TNFRSF13B: variants seen among roughly 807,000 people sequenced by gnomAD.
TNFRSF13B encodes TNF receptor superfamily member 13B, also known as tumor necrosis factor receptor superfamily member 13B.
A neutral mutation model predicts 24.0 loss-of-function variants in TNFRSF13B; 34 were observed. That is an observed-to-expected ratio of 1.41 (90% confidence interval 1.08 to 1.88). The LOEUF is 1.88. Ranked by LOEUF, TNFRSF13B falls within the 40% of genes most tolerant of loss-of-function variation. The pLI, the probability that TNFRSF13B is intolerant of heterozygous loss-of-function variation, is 0.00. For synonymous variants in TNFRSF13B, 173 were observed against 150.3 expected (o/e 1.15, Z -1.10); for missense variants, 415 against 380.8 (o/e 1.09, Z -0.75).
chr17:16,970,926 G>T (rs1024185110), intron 1 of TNFRSF13B, among the ~76,000 whole-genome samples: 9 of 152,220 alleles, frequency 5.9e-5, no homozygotes, highest in African/African-American at 1.9e-4. Flanking sequence ...CCTGCCTGAG[G>T]TGTGGGACAG....
intron 1 of TNFRSF13B, among the ~76,000 whole-genome samples, chr17:16,964,104 C>G (rs1049880072): frequency 5.3e-5 from 8 of 149,938 alleles, no homozygotes; most frequent in Non-Finnish European, 8.9e-5. Context: ...GAAGAGGAGG[C>G]AGAAGAGGAG....
intron 1 of TNFRSF13B, among the ~76,000 whole-genome samples, chr17:16,956,508 AC>A (rs550214281): frequency 7.7e-4 from 118 of 152,388 alleles, no homozygotes; most frequent in African/African-American, 2.7e-3. Flanking sequence ...GCTTAAGGAA[AC>A]CGACAGAGAA....
intron 2 of TNFRSF13B, among the ~76,000 whole-genome samples, chr17:16,951,488 T>G (rs1428828424): frequency 2.6e-5 from 4 of 152,246 alleles, no homozygotes; most frequent in Non-Finnish European, 5.9e-5. Context: ...TAGATGATGT[T>G]AATAAATTAT....
At chr17:16,941,056 C>T (rs1316223615) in intron 3 of TNFRSF13B, 1 of 609,536 alleles carries the variant, frequency 1.6e-6, no homozygotes, top group African/African-American at 2.0e-5. Flanking sequence ...AGAGTCATCT[C>T]TAGATTACTT....
intron 3 of TNFRSF13B, among the ~76,000 whole-genome samples, chr17:16,942,509 C>T (rs887139763): frequency 6.6e-6 from 1 of 152,124 alleles, no homozygotes; most frequent in African/African-American, 2.4e-5. Context: ...CTGTCCAGTG[C>T]CCAGAGCTCA....
At chr17:16,966,711 T>C (rs2087702135) in intron 1 of TNFRSF13B, among the ~76,000 whole-genome samples, 1 of 152,218 alleles carries the variant, frequency 6.6e-6, no homozygotes, top group South Asian at 2.1e-4. Flanking sequence ...GACCCAGTGA[T>C]TAAACTTTGA....
chr17:16,962,584 G>A (rs577651814), intron 1 of TNFRSF13B, among the ~76,000 whole-genome samples: 3 of 152,108 alleles, frequency 2.0e-5, no homozygotes, highest in South Asian at 2.1e-4. Context: ...CAGCTCAGCT[G>A]TGGGCAATAT....
intron 1 of TNFRSF13B, among the ~76,000 whole-genome samples, chr17:16,964,203 T>C (rs2087683280): frequency 6.6e-6 from 1 of 152,074 alleles, no homozygotes; most frequent in Admixed American, 6.5e-5. Flanking sequence ...TTGGTTTCTG[T>C]GAGCTGTATA....
chr17:16,949,108 T>A, intron 2 of TNFRSF13B, 125 bp from the exon 3 acceptor site: 2 of 1,270,988 alleles, frequency 1.6e-6, no homozygotes, highest in Non-Finnish European at 2.2e-6. Flanking sequence ...AATTCCAGAG[T>A]AAGCCAAGTA....
intron 1 of TNFRSF13B, among the ~76,000 whole-genome samples, chr17:16,954,001 G>A (rs550286601): frequency 1.3e-5 from 2 of 152,302 alleles, no homozygotes; most frequent in East Asian, 1.9e-4. Flanking sequence ...TCCTGACCTC[G>A]TGATCCGCCC....
At chr17:16,958,144 A>C (rs2087637211) in intron 1 of TNFRSF13B, among the ~76,000 whole-genome samples, 1 of 152,134 alleles carries the variant, frequency 6.6e-6, no homozygotes, top group South Asian at 2.1e-4. Flanking sequence ...CTTATGACCT[A>C]CCGAAACTAA....
intron 1 of TNFRSF13B, among the ~76,000 whole-genome samples, chr17:16,969,600 T>C (rs2087729731): frequency 6.6e-6 from 1 of 152,232 alleles, no homozygotes. Flanking sequence ...AATTAGCTTA[T>C]GGTGATGGTT....
intron 1 of TNFRSF13B, among the ~76,000 whole-genome samples, chr17:16,954,267 C>T (rs1034119232): frequency 2.6e-5 from 4 of 152,126 alleles, no homozygotes; most frequent in Non-Finnish European, 4.4e-5. Flanking sequence ...TGCTGTAGTC[C>T]CAGCTATTCA....
At chr17:16,961,163 G>A (rs2087659902) in intron 1 of TNFRSF13B, among the ~76,000 whole-genome samples, 1 of 152,202 alleles carries the variant, frequency 6.6e-6, no homozygotes, top group South Asian at 2.1e-4. Context: ...GTATAACAGA[G>A]CAACAGCTGT....
chr17:16,944,135 T>A (rs1380995466), intron 3 of TNFRSF13B, among the ~76,000 whole-genome samples: 1 of 152,164 alleles, frequency 6.6e-6, no homozygotes, highest in Non-Finnish European at 1.5e-5. Context: ...CTCCTGCTTC[T>A]GTGGAGTGGC....
At chr17:16,952,013 C>T (rs1429664688) in intron 2 of TNFRSF13B, among the ~76,000 whole-genome samples, 2 of 152,106 alleles carry the variant, frequency 1.3e-5, no homozygotes, top group Admixed American at 6.5e-5. Flanking sequence ...GTGCAGAGGG[C>T]GTCATTGTGC....
Position 16,972,092 on chromosome 17 carries a change from T to C in TNFRSF13B, c.-17A>G, listed in dbSNP as rs1023598757. 1.9e-6 allele frequency: 3 copies of C among 1,613,494 alleles called. No individual in the cohort carries two copies. The highest frequency in any genetic ancestry group is 2.5e-6 in the Non-Finnish European group (3 of 1,180,012). ...GCCACTCATTACTCAGGATGCTTAT[T>C]ACTAGTCTTAGATTTGATTAGTGCT... is the stretch of plus-strand genomic sequence containing the variant. On this transcript the variant is annotated 5_prime_UTR_variant, in exon 1 of 5. Transcript: ENST00000261652.
intron 2 of TNFRSF13B, among the ~76,000 whole-genome samples, chr17:16,949,242 T>C (rs1385825751): frequency 6.6e-6 from 1 of 152,204 alleles, no homozygotes; most frequent in Admixed American, 6.5e-5. Context: ...TTCATTATTA[T>C]CTTTTCTTTG....
At chr17:16,943,209 G>A (rs1015418354) in intron 3 of TNFRSF13B, among the ~76,000 whole-genome samples, 1 of 152,178 alleles carries the variant, frequency 6.6e-6, no homozygotes, top group Non-Finnish European at 1.5e-5. Flanking sequence ...ATGAAGATGA[G>A]GATCTGGTGC....
Sources: gnomAD v4.1 joint callset for allele counts (sites outside exome capture counted in the v4.1 genomes callset) on GRCh38, gnomAD v4.1.1 for gene constraint, MANE v1.5 for transcripts, NCBI Gene and HGNC (gene_info 2026-07-23, HGNC 2026-07-21) for gene names.